The following SRGAP3 variants were observed in gnomAD, a reference collection of about 807,000 sequenced individuals.
The protein encoded by SRGAP3 is SLIT-ROBO Rho GTPase activating protein 3.
In SRGAP3, 39 loss-of-function variants were observed where a neutral mutation model predicts 121.1. The observed-to-expected ratio is 0.32, with a 90% CI of 0.25 to 0.42. SRGAP3 has a LOEUF of 0.42. Ranked by LOEUF, SRGAP3 falls within the 10% of genes least tolerant of loss-of-function variation. The probability of loss-of-function intolerance (pLI) is 1.00; values close to 1 mark genes in which losing one functional copy is unlikely to be tolerated. For missense variants in SRGAP3, 1,213 were observed against 1,470.6 expected (o/e 0.82, Z 2.86); for synonymous variants, 601 against 570.0 (o/e 1.05, Z -0.77).
chr3:9,056,390 G>A, intron 7 of SRGAP3, 56 bp from the exon 8 acceptor site: 1 of 1,574,776 alleles, frequency 6.4e-7, no homozygotes, highest in Non-Finnish European at 8.7e-7. Context: ...CACCTGTGTG[G>A]AGCTAGGGCA....
At chr3:9,300,966 G>A (rs1463770850) in intron 3 of SRGAP3, among the ~76,000 whole-genome samples, 1 of 152,142 alleles carries the variant, frequency 6.6e-6, no homozygotes, top group Non-Finnish European at 1.5e-5. Context: ...CACAAGCTTA[G>A]CAACCTGGCT....
chr3:9,302,983 T>C (rs1056769060), intron 3 of SRGAP3, among the ~76,000 whole-genome samples: 1 of 152,110 alleles, frequency 6.6e-6, no homozygotes, highest in Non-Finnish European at 1.5e-5. Context: ...TAGTAAATGG[T>C]TATAAACCAA....
chr3:9,236,245 C>T (rs1953405650), intron 1 of SRGAP3: 2 of 176,804 alleles, frequency 1.1e-5, no homozygotes, highest in South Asian at 2.0e-4. Context: ...TTAAAAGATC[C>T]TTCTTCTATA....
At chr3:9,152,601 C>T (rs1950250616) in intron 1 of SRGAP3, among the ~76,000 whole-genome samples, 2 of 152,226 alleles carry the variant, frequency 1.3e-5, no homozygotes. Context: ...ACAAACCTGG[C>T]ATAGCCCCTG....
chr3:9,035,317 A>G (rs953633394), intron 11 of SRGAP3: 2 of 161,544 alleles, frequency 1.2e-5, no homozygotes, highest in African/African-American at 4.8e-5. Context: ...TAAATTCTAC[A>G]AAGTGGAAAA....
Position 9,015,648 on chromosome 3 carries a change from C to G in SRGAP3, c.1762G>C (p.Glu588Gln). Residue 588 changes from glutamate to glutamine, a missense_variant, in exon 15 of 22, where the codon GAA becomes CAA. By Grantham distance (29) the Glu-to-Gln change is conservative. Around this residue, in one of 2 missense-constraint regions of SRGAP3, gnomAD observed 793 missense variants for 1,032.9 expected, o/e 0.77. Transcript: ENST00000383836. ...GVLKLYFRGLENPLFPKERFQ... is the reference protein window; with the variant it reads ...GVLKLYFRGLQNPLFPKERFQ... ...CTTTCCTTAGGAAAGAGTGGGTTTT[C>G]CAGTCCTCGGAAATACAGTTTTAAA... is the stretch of plus-strand genomic sequence containing the variant. The G allele has an allele frequency of 6.2e-7, 1 of 1,613,564 alleles. No individual in the cohort carries two copies. The highest frequency in any genetic ancestry group is 1.1e-5 in the South Asian group (1 of 91,042).
At chr3:9,182,458 G>A (rs188235066) in intron 1 of SRGAP3, among the ~76,000 whole-genome samples, 1 of 152,056 alleles carries the variant, frequency 6.6e-6, no homozygotes, top group East Asian at 1.9e-4. Flanking sequence ...AGCCAGAAAA[G>A]ACCAGGAAGG....
chr3:9,102,460 C>A (rs967862049), intron 3 of SRGAP3, among the ~76,000 whole-genome samples: 22 of 152,226 alleles, frequency 1.4e-4, no homozygotes, highest in Non-Finnish European at 2.9e-4. Context: ...ACTTCCTCAC[C>A]TGTAAAATGA....
chr3:9,028,082 G>A, intron 12 of SRGAP3: 1 of 1,614,082 alleles, frequency 6.2e-7, no homozygotes, highest in Non-Finnish European at 8.5e-7. Flanking sequence ...GGGGCTAATG[G>A]GCCTTTCTAG....
At chr3:9,050,344 A>G (rs1378303579) in intron 9 of SRGAP3, among the ~76,000 whole-genome samples, 1 of 152,208 alleles carries the variant, frequency 6.6e-6, no homozygotes, top group Non-Finnish European at 1.5e-5. Flanking sequence ...GAAGTTGAAG[A>G]TGTAATCCCA....
chr3:9,309,616 T>C (rs1955210698), intron 3 of SRGAP3, among the ~76,000 whole-genome samples: 1 of 152,054 alleles, frequency 6.6e-6, no homozygotes, highest in Non-Finnish European at 1.5e-5. Flanking sequence ...ATCCCAACAC[T>C]TTGGGAGGCC....
At chr3:9,321,505 A>G (rs1208423342) in intron 3 of SRGAP3, among the ~76,000 whole-genome samples, 2 of 151,920 alleles carry the variant, frequency 1.3e-5, no homozygotes, top group East Asian at 3.8e-4. Flanking sequence ...CTGAGTGAAA[A>G]AGAGAAGATG....
chr3:9,025,408 A>G (rs1944142913), intron 13 of SRGAP3, 70 bp from the exon 14 acceptor site: 1 of 1,481,264 alleles, frequency 6.8e-7, no homozygotes, highest in Non-Finnish European at 9.4e-7. Flanking sequence ...ACTACCGGGA[A>G]TATCAGTGAC....
At chr3:9,344,659 G>A (rs1279284011) in intron 1 of SRGAP3, among the ~76,000 whole-genome samples, 1 of 150,960 alleles carries the variant, frequency 6.6e-6, no homozygotes, top group African/African-American at 2.4e-5. Flanking sequence ...AAAAAAGAAA[G>A]AAAGAAAACA....
upstream of SRGAP3, among the ~76,000 whole-genome samples, chr3:9,250,820 G>A (rs1057198677): frequency 1.3e-5 from 2 of 152,092 alleles, no homozygotes; most frequent in African/African-American, 4.8e-5. Flanking sequence ...ATTCTACAAG[G>A]GAGACCAAAC....
At position 9,210,714 on chromosome 3, in the gene SRGAP3, C is replaced by G. The variant is rs917863620; in HGVS notation, c.67+38171G>C. Among the ~76,000 whole-genome samples, 4 of 152,036 alleles carry G rather than the reference C, an allele frequency of 2.6e-5. No homozygotes were observed. In the South Asian group the frequency reaches 6.2e-4, roughly 24 times the overall value. On this transcript the variant is annotated intron_variant, in intron 1 of 21. Coordinates refer to ENST00000383836, the MANE Select transcript of SRGAP3 (RefSeq NM_014850.4). ...GGGTGGTGGCGCATGCCTATAGTCC[C>G]AACTACTTGGGAAGCAGAGCCAGGA...
Position 8,992,914 on chromosome 3 carries a change from C to T in SRGAP3, c.2550G>A (p.Val850=). The T allele has an allele frequency of 6.2e-7, 1 of 1,614,216 alleles. No homozygotes were observed. The highest frequency in any genetic ancestry group is 1.7e-5 in the Admixed American group (1 of 60,034). ...GAATCCGCATATCCTACCGGCCCAT[C>T]ACCCCCCCAAAGCCGTAATCCGAGA... ...EHISDYGFGG[V]MGRVRLRSDG... Residue 850 remains valine, a synonymous_variant, in exon 20 of 22, where the codon GTG becomes GTA. Transcript: ENST00000383836.
chr3:9,344,035 A>G (rs1955839755), intron 1 of SRGAP3, among the ~76,000 whole-genome samples: 1 of 152,222 alleles, frequency 6.6e-6, no homozygotes, highest in African/African-American at 2.4e-5. Flanking sequence ...TATAATGAAA[A>G]TAGCGTGGGC....
Position 8,990,785 on chromosome 3 carries a change from G to A in SRGAP3, c.2613C>T (p.Asp871=), listed in dbSNP as rs754090812. Reference sequence around the variant, plus strand: ...CCAGGCCCCGGGGCGGGCTGTGTGTGTCGCCCCCGCTTCGGCGTCTGGGGA... The same window carrying A: ...CCAGGCCCCGGGGCGGGCTGTGTGTATCGCCCCCGCTTCGGCGTCTGGGGA... The part of the protein sequence containing the change: ...AAIPRRRSGG[D]THSPPRGLGP... The change falls in exon 21 of 22, where the codon GAC becomes GAT. Residue 871 remains aspartate, a synonymous_variant. Transcript: ENST00000383836. The A allele has an allele frequency of 4.4e-6, 7 of 1,596,034 alleles. No homozygotes were observed. The highest frequency in any genetic ancestry group is 8.5e-7 in the Non-Finnish European group (1 of 1,171,364).
Sources: gnomAD v4.1 joint callset for allele counts (sites outside exome capture counted in the v4.1 genomes callset) on GRCh38, gnomAD v4.1.1 for gene constraint, gnomAD v4.1.1 regional missense constraint, MANE v1.5 for transcripts, NCBI Gene and HGNC (gene_info 2026-07-23, HGNC 2026-07-21) for gene names.